GALNTL6: variants seen among roughly 807,000 people sequenced by gnomAD.
The protein encoded by GALNTL6 is polypeptide N-acetylgalactosaminyltransferase like 6.
Under a neutral mutation model 73.7 loss-of-function variants are expected in GALNTL6, and 46 were observed. The observed-to-expected ratio is 0.62, with a 90% CI of 0.49 to 0.80. GALNTL6 has a LOEUF of 0.80. Ranked by LOEUF, GALNTL6 falls within the 30% of genes least tolerant of loss-of-function variation. The pLI is 0.00. For missense variants in GALNTL6, 604 were observed against 755.0 expected, an observed-to-expected ratio of 0.80 and a Z score of 2.34; for synonymous variants, 259 against 263.7, an observed-to-expected ratio of 0.98 and a Z score of 0.17.
intron 5 of GALNTL6, among the ~76,000 whole-genome samples, chr4:172,687,664 CCTTTCCTTT>C (rs1733010259): frequency 6.6e-6 from 1 of 151,028 alleles, no homozygotes; most frequent in Non-Finnish European, 1.5e-5. Context: ...AGCTACTGAA[CCTTTCCTTT>C]CATGATTTCT....
chr4:172,210,748 C>G (rs1364822262), intron 2 of GALNTL6, among the ~76,000 whole-genome samples: 4 of 152,064 alleles, frequency 2.6e-5, no homozygotes, highest in Admixed American at 2.6e-4. Context: ...GATGCTAACA[C>G]TTAAGGAATA....
At chr4:171,965,224 C>T (rs370142272) in intron 2 of GALNTL6, among the ~76,000 whole-genome samples, 4 of 152,272 alleles carry the variant, frequency 2.6e-5, no homozygotes, top group South Asian at 4.1e-4. Context: ...AAGAAGCTCA[C>T]CTTGCATTTT....
intron 2 of GALNTL6, among the ~76,000 whole-genome samples, chr4:171,904,369 C>T (rs1266470237): frequency 3.9e-5 from 6 of 151,928 alleles, no homozygotes; most frequent in South Asian, 2.1e-4. Flanking sequence ...GGAGCCGATG[C>T]GATCAACTGG....
At chr4:172,461,218 G>C (rs952366232) in intron 5 of GALNTL6, among the ~76,000 whole-genome samples, 7 of 152,084 alleles carry the variant, frequency 4.6e-5, no homozygotes, top group Non-Finnish European at 1.5e-5. Flanking sequence ...GACCTGTTGG[G>C]GGGTGGGGCT....
chr4:172,366,300 G>A (rs1345721942), intron 5 of GALNTL6, among the ~76,000 whole-genome samples: 1 of 152,126 alleles, frequency 6.6e-6, no homozygotes, highest in Non-Finnish European at 1.5e-5. Context: ...TGGCAAATGT[G>A]TATAGATCTG....
intron 2 of GALNTL6, among the ~76,000 whole-genome samples, chr4:172,148,011 T>A (rs1353269931): frequency 6.6e-6 from 1 of 152,172 alleles, no homozygotes; most frequent in East Asian, 1.9e-4. Flanking sequence ...AGGCATACTT[T>A]TTTCATGATG....
At chr4:172,081,459 G>C (rs1393812716) in intron 2 of GALNTL6, among the ~76,000 whole-genome samples, 1 of 152,158 alleles carries the variant, frequency 6.6e-6, no homozygotes, top group Non-Finnish European at 1.5e-5. Flanking sequence ...CCAACATGGT[G>C]AAACCCCGTC....
intron 2 of GALNTL6, among the ~76,000 whole-genome samples, chr4:172,175,790 C>T (rs1734970928): frequency 6.6e-6 from 1 of 152,018 alleles, no homozygotes; most frequent in South Asian, 2.1e-4. Context: ...TTGCTTTAAC[C>T]ATAATCTTAT....
intron 5 of GALNTL6, among the ~76,000 whole-genome samples, chr4:172,401,102 C>G (rs1744018591): frequency 6.6e-6 from 1 of 152,050 alleles, no homozygotes; most frequent in African/African-American, 2.4e-5. Context: ...TCTCCTTTTG[C>G]AAAGTTTCAT....
chr4:171,938,306 C>A (rs1330156951), intron 2 of GALNTL6, among the ~76,000 whole-genome samples: 2 of 152,126 alleles, frequency 1.3e-5, no homozygotes, highest in Non-Finnish European at 2.9e-5. Context: ...TACAGAATTT[C>A]TATAGCCTCT....
At chr4:172,585,090 G>A (rs560978809) in intron 5 of GALNTL6, among the ~76,000 whole-genome samples, 3 of 140,990 alleles carry the variant, frequency 2.1e-5, no homozygotes, top group Non-Finnish European at 4.7e-5. Flanking sequence ...TGACCAATAC[G>A]GAAATATTTC....
At chr4:172,041,404 A>G (rs1742082878) in intron 2 of GALNTL6, among the ~76,000 whole-genome samples, 2 of 152,106 alleles carry the variant, frequency 1.3e-5, no homozygotes, top group Admixed American at 1.3e-4. Context: ...CATTGAGAAT[A>G]TTTTAAAACA....
At chr4:171,982,387 T>TC (rs1338919877) in intron 2 of GALNTL6, among the ~76,000 whole-genome samples, 1 of 152,114 alleles carries the variant, frequency 6.6e-6, no homozygotes, top group African/African-American at 2.4e-5. Flanking sequence ...AAGCTCTGCC[T>TC]CCTGGGTTCA....
At chr4:171,993,178 AGAT>A (rs2110741496) in intron 2 of GALNTL6, among the ~76,000 whole-genome samples, 1 of 144,960 alleles carries the variant, frequency 6.9e-6, no homozygotes, top group East Asian at 2.0e-4. Flanking sequence ...AACACATATA[AGAT>A]GATGAGAGTC....
intron 2 of GALNTL6, among the ~76,000 whole-genome samples, chr4:171,849,782 G>C (rs1040313685): frequency 1.3e-5 from 2 of 152,270 alleles, no homozygotes; most frequent in African/African-American, 4.8e-5. Flanking sequence ...ATAGCCTCTG[G>C]CAAAGACCAG....
chr4:172,412,883 C>A (rs769806337), intron 5 of GALNTL6, among the ~76,000 whole-genome samples: 5 of 152,124 alleles, frequency 3.3e-5, no homozygotes, highest in African/African-American at 1.2e-4. Flanking sequence ...ACTGATACCT[C>A]CAGATTCTCC....
intron 2 of GALNTL6, among the ~76,000 whole-genome samples, chr4:171,967,752 T>A (rs932108134): frequency 6.6e-5 from 10 of 152,188 alleles, no homozygotes; most frequent in Non-Finnish European, 7.3e-5. Context: ...ATTTGAATTT[T>A]TTTCCCCCAT....
chr4:172,265,432 A>G (rs1738417521), intron 3 of GALNTL6, among the ~76,000 whole-genome samples: 1 of 152,084 alleles, frequency 6.6e-6, no homozygotes, highest in Admixed American at 6.6e-5. Context: ...GACTAGACAA[A>G]GCATTTCATT....
intron 10 of GALNTL6, among the ~76,000 whole-genome samples, chr4:172,975,392 C>A (rs2126417690): frequency 6.6e-6 from 1 of 152,324 alleles, no homozygotes; most frequent in South Asian, 2.1e-4. Context: ...TGGTAGTCCC[C>A]ACATCTGTCT....
Sources: gnomAD v4.1 joint callset for allele counts (sites outside exome capture counted in the v4.1 genomes callset) on GRCh38, gnomAD v4.1.1 for gene constraint, MANE v1.5 for transcripts, NCBI Gene and HGNC (gene_info 2026-07-23, HGNC 2026-07-21) for gene names.